The following AGBL1 variants were observed in gnomAD, a reference collection of about 807,000 sequenced individuals.
AGBL1 encodes the protein cytosolic carboxypeptidase 4.
AGBL1 carries 130 observed loss-of-function variants against 118.9 expected under a neutral mutation model. The observed-to-expected ratio is 1.09, with a 90% CI of 0.95 to 1.26. The LOEUF (loss-of-function observed/expected upper bound fraction) is 1.26. Ranked by LOEUF, AGBL1 falls within the 50% of genes most tolerant of loss-of-function variation. The pLI, the probability that AGBL1 is intolerant of heterozygous loss-of-function variation, is 0.00. For synonymous variants in AGBL1, 555 were observed against 478.9 expected (o/e 1.16, Z -2.08); for missense variants, 1,584 against 1,298.1 (o/e 1.22, Z -3.38).
At chr15:86,582,244 A>C (rs945059007) in intron 21 of AGBL1, among the ~76,000 whole-genome samples, 4 of 152,174 alleles carry the variant, frequency 2.6e-5, no homozygotes, top group Non-Finnish European at 5.9e-5. Context: ...TGGTTTCCTT[A>C]GCTGAAAAAT....
rs147857364 is a variant in AGBL1, at chr15:86,226,414, G to C, written c.526+1463G>C. 7.8e-3 allele frequency among the ~76,000 whole-genome samples: 1,183 copies of C among 152,242 alleles called. 12 individuals carry two copies. The highest frequency in any genetic ancestry group is 0.028 in the African/African-American group (1,147 of 41,546). On this transcript the variant is annotated intron_variant, in intron 6 of 22. Transcript: ENST00000614907. ...CTCAAATCCCCCCAGCCCAGCCTTG[G>C]CATGGAGGACTTGATGTTTCATGGG... is the stretch of plus-strand genomic sequence containing the variant.
At chr15:86,924,457 A>G (rs568583069) in intron 23 of AGBL1, among the ~76,000 whole-genome samples, 1 of 152,340 alleles carries the variant, frequency 6.6e-6, no homozygotes, top group East Asian at 1.9e-4. Flanking sequence ...TTGTAATATT[A>G]GCTATTGAAA....
intron 21 of AGBL1, among the ~76,000 whole-genome samples, chr15:86,576,508 G>A (rs1227889085): frequency 6.6e-6 from 1 of 152,184 alleles, no homozygotes; most frequent in Non-Finnish European, 1.5e-5. Context: ...CCTTTGATTG[G>A]CCGAAACCAG....
At chr15:86,771,082 G>T (rs1293014473) in intron 22 of AGBL1, among the ~76,000 whole-genome samples, 1 of 152,030 alleles carries the variant, frequency 6.6e-6, no homozygotes, top group African/African-American at 2.4e-5. Context: ...AAGGCCCTGA[G>T]GAGGGAGGTG....
At chr15:86,790,643 A>T (rs534999881) in intron 22 of AGBL1, among the ~76,000 whole-genome samples, 8 of 152,278 alleles carry the variant, frequency 5.3e-5, no homozygotes, top group South Asian at 4.2e-4. Flanking sequence ...TTTCCATTGG[A>T]ATACTAATAG....
At chr15:86,505,088 C>T (rs1050529050) in intron 18 of AGBL1, among the ~76,000 whole-genome samples, 1 of 151,686 alleles carries the variant, frequency 6.6e-6, no homozygotes, top group Non-Finnish European at 1.5e-5. Context: ...ATCTCACTGA[C>T]TCTGGTCTCC....
chr15:86,227,522 A>C (rs2078386103), intron 6 of AGBL1, among the ~76,000 whole-genome samples: 1 of 152,244 alleles, frequency 6.6e-6, no homozygotes, highest in Admixed American at 6.5e-5. Flanking sequence ...AGACGCCAGT[A>C]TCATGCCTCA....
intron 21 of AGBL1, among the ~76,000 whole-genome samples, chr15:86,606,124 C>CT (rs1431493042): frequency 8.3e-5 from 1 of 11,990 alleles, no homozygotes; most frequent in East Asian, 8.9e-3. Flanking sequence ...AAGACTCCAT[C>CT]TCAAAAAAAA....
At chr15:86,204,178 T>G (rs1296418126) in intron 5 of AGBL1, among the ~76,000 whole-genome samples, 6 of 152,146 alleles carry the variant, frequency 3.9e-5, no homozygotes, top group Non-Finnish European at 7.4e-5. Context: ...AGAGGAATCC[T>G]CATTCTATGC....
intron 22 of AGBL1, among the ~76,000 whole-genome samples, chr15:86,864,394 G>C (rs544651218): frequency 4.9e-4 from 75 of 152,282 alleles, no homozygotes; most frequent in African/African-American, 1.7e-3. Context: ...AGGCACGATT[G>C]TAAGTACTTT....
At chr15:86,849,125 G>A (rs1239982071) in intron 22 of AGBL1, among the ~76,000 whole-genome samples, 2 of 152,172 alleles carry the variant, frequency 1.3e-5, no homozygotes, top group South Asian at 4.1e-4. Flanking sequence ...GCTAATCTGA[G>A]CATGCCTTGC....
intron 17 of AGBL1, among the ~76,000 whole-genome samples, chr15:86,308,658 C>T (rs1484507080): frequency 6.6e-6 from 1 of 152,172 alleles, no homozygotes; most frequent in Non-Finnish European, 1.5e-5. Context: ...TTAGTTTTCT[C>T]AACAACATAT....
Position 86,546,189 on chromosome 15 carries a change from A to G in AGBL1, c.2817+56A>G, listed in dbSNP as rs1025604275. The G allele has an allele frequency of 2.7e-6, 4 of 1,489,314 alleles. No homozygotes were observed. The Admixed American group carries it at 8.2e-5, about 30-fold the overall frequency. 92.3% of individuals were successfully genotyped at this position (1,489,314 alleles called of 1,614,324 possible). On this transcript the variant is annotated intron_variant, in intron 20 of 22. Transcript: ENST00000614907. The stretch of plus-strand genomic sequence containing the variant: ...TGCTGTGTTCATATTCTTCATTCTT[A>G]CCTTTAAGACCATGCCCCACTCATT...
At chr15:86,805,288 T>C (rs1311948218) in intron 22 of AGBL1, among the ~76,000 whole-genome samples, 1 of 152,116 alleles carries the variant, frequency 6.6e-6, no homozygotes, top group Non-Finnish European at 1.5e-5. Context: ...AACACACATA[T>C]AGTGACTTAA....
chr15:86,928,116 A>C (rs1001524749), intron 23 of AGBL1, among the ~76,000 whole-genome samples: 1 of 152,246 alleles, frequency 6.6e-6, no homozygotes. Context: ...ATTTAAACTA[A>C]GAATATCAAG....
intron 17 of AGBL1, among the ~76,000 whole-genome samples, chr15:86,392,918 T>A (rs2081310103): frequency 6.6e-6 from 1 of 152,174 alleles, no homozygotes; most frequent in Non-Finnish European, 1.5e-5. Context: ...GATTGTCAAT[T>A]GCAAGAAAAA....
intron 22 of AGBL1, among the ~76,000 whole-genome samples, chr15:86,871,192 G>A (rs2079723011): frequency 6.6e-6 from 1 of 152,154 alleles, no homozygotes; most frequent in African/African-American, 2.4e-5. Flanking sequence ...TAGGAGATGG[G>A]AACAGAAAGG....
At chr15:86,721,154 C>T (rs553646960) in intron 22 of AGBL1, among the ~76,000 whole-genome samples, 2 of 152,276 alleles carry the variant, frequency 1.3e-5, no homozygotes, top group South Asian at 2.1e-4. Context: ...TTTAATGAGG[C>T]CAGCATCATC....
chr15:86,240,115 A>G (rs2078618817), intron 6 of AGBL1, among the ~76,000 whole-genome samples: 1 of 152,242 alleles, frequency 6.6e-6, no homozygotes, highest in Non-Finnish European at 1.5e-5. Context: ...AGACTTAAAT[A>G]AGTTGTTTAA....
Sources: allele counts gnomAD v4.1 joint callset (sites outside exome capture counted in the v4.1 genomes callset), GRCh38; gene constraint gnomAD v4.1.1; transcripts MANE v1.5; gene names NCBI Gene and HGNC (gene_info 2026-07-23, HGNC 2026-07-21).